SAXO1: variants seen among roughly 807,000 people sequenced by gnomAD.
SAXO1 encodes stabilizer of axonemal microtubules 1.
SAXO1 carries 21 observed loss-of-function variants against 17.5 expected under a neutral mutation model. The observed-to-expected ratio is 1.20, with a 90% CI of 0.85 to 1.72. SAXO1 has a LOEUF of 1.72. Among genes scored for constraint, SAXO1 ranks in the 40% most tolerant of loss-of-function variants. SAXO1 has a pLI of 0.00. For synonymous variants in SAXO1, 274 were observed against 216.5 expected (o/e 1.27, Z -2.33); for missense variants, 843 against 596.0 (o/e 1.41, Z -4.32).
At chr9:19,032,064 G>A (rs1220031237) in intron 1 of SAXO1, among the ~76,000 whole-genome samples, 3 of 152,112 alleles carry the variant, frequency 2.0e-5, no homozygotes, top group Non-Finnish European at 4.4e-5. Context: ...CAGATGAGGC[G>A]ACTATGACCT....
At chr9:19,045,387 T>C (rs533195193) in intron 1 of SAXO1, among the ~76,000 whole-genome samples, 45 of 139,238 alleles carry the variant, frequency 3.2e-4, no homozygotes, top group Non-Finnish European at 6.2e-4. Context: ...CAATTTCACA[T>C]AGCTGGGCAA....
At chr9:19,002,102 A>G (rs1194943751) in intron 1 of SAXO1, among the ~76,000 whole-genome samples, 3 of 152,218 alleles carry the variant, frequency 2.0e-5, no homozygotes, top group African/African-American at 7.2e-5. Flanking sequence ...CTACCATCAG[A>G]GAATACTATA....
intron 1 of SAXO1, chr9:19,027,923 C>A: frequency 1.4e-6 from 2 of 1,409,708 alleles, no homozygotes; most frequent in Non-Finnish European, 2.0e-6. Flanking sequence ...AGATCCACTC[C>A]CAAAAGATGA....
Position 18,927,874 on chromosome 9 carries a change from A to C in SAXO1, c.*178T>G. Reference sequence around the variant, plus strand: ...AAGGGGAGTTAATTAGCCGGTGATTAAATGTCATTTTCCCTGAGTCAAGTG... The same window carrying C: ...AAGGGGAGTTAATTAGCCGGTGATTCAATGTCATTTTCCCTGAGTCAAGTG... On this transcript the variant is annotated 3_prime_UTR_variant, in exon 4 of 4. Transcript: ENST00000380534. 1.6e-6 allele frequency: 1 copy of C among 630,240 alleles called. No individual in the cohort carries two copies. Among genetic ancestry groups the C allele is most frequent in the Non-Finnish European group, 2.6e-6 (1 of 390,666 alleles). The allele number at this position is 630,240 out of a possible 1,614,324, so 39.0% of individuals were successfully genotyped here.
chr9:19,040,452 G>A (rs1388456704), intron 1 of SAXO1, among the ~76,000 whole-genome samples: 2 of 152,052 alleles, frequency 1.3e-5, no homozygotes, highest in African/African-American at 2.4e-5. Flanking sequence ...AGACCAGCCC[G>A]GCTGACATTA....
intron 1 of SAXO1, among the ~76,000 whole-genome samples, chr9:18,974,590 G>A (rs1833062760): frequency 6.6e-6 from 1 of 152,174 alleles, no homozygotes; most frequent in Non-Finnish European, 1.5e-5. Context: ...AAAGGACATG[G>A]GAGCCAACTG....
chr9:19,040,197 A>G (rs1836044333), intron 1 of SAXO1, among the ~76,000 whole-genome samples: 1 of 152,190 alleles, frequency 6.6e-6, no homozygotes, highest in Non-Finnish European at 1.5e-5. Flanking sequence ...CCAAAGGATA[A>G]GGGTAGAGTT....
intron 1 of SAXO1, among the ~76,000 whole-genome samples, chr9:19,029,377 C>T (rs1835656553): frequency 6.6e-6 from 1 of 152,198 alleles, no homozygotes; most frequent in Admixed American, 6.5e-5. Context: ...ACCAGTGACT[C>T]ACTCAGGAAC....
intron 1 of SAXO1, among the ~76,000 whole-genome samples, chr9:19,008,015 T>C (rs1054941358): frequency 8.6e-5 from 13 of 151,620 alleles, no homozygotes; most frequent in Non-Finnish European, 1.5e-4. Context: ...TCACCCAGTC[T>C]GGAGTACAGT....
chr9:19,026,059 T>A (rs926258928), intron 1 of SAXO1, among the ~76,000 whole-genome samples: 1 of 152,134 alleles, frequency 6.6e-6, no homozygotes, highest in African/African-American at 2.4e-5. Flanking sequence ...GTAGGGTGAC[T>A]ATAGTTATAA....
At chr9:18,973,491 A>G (rs1008712279) in intron 1 of SAXO1, among the ~76,000 whole-genome samples, 1 of 152,258 alleles carries the variant, frequency 6.6e-6, no homozygotes, top group African/African-American at 2.4e-5. Context: ...TCTAGTGCAC[A>G]CACACAGGAA....
At chr9:18,982,385 A>G (rs1833425807) in intron 1 of SAXO1, among the ~76,000 whole-genome samples, 3 of 152,112 alleles carry the variant, frequency 2.0e-5, no homozygotes, top group Admixed American at 2.0e-4. Context: ...TCCGAGGGAG[A>G]CCAAATCTGG....
intron 1 of SAXO1, among the ~76,000 whole-genome samples, chr9:19,043,016 AC>A (rs1836114382): frequency 6.6e-6 from 1 of 151,926 alleles, no homozygotes. Context: ...TACAAAAAAT[AC>A]AAAAATTAGT....
chr9:18,994,924 C>A (rs1026803686), intron 1 of SAXO1, among the ~76,000 whole-genome samples: 2 of 152,208 alleles, frequency 1.3e-5, no homozygotes, highest in African/African-American at 4.8e-5. Flanking sequence ...CATGTTTGAA[C>A]ATTCTTAAAG....
chr9:18,927,755 T>A lies in SAXO1; in HGVS notation c.*297A>T, dbSNP rs562611841. ...ACAATGATTAAATTAATAAAATACA[T>A]CTGGATCAGAGAAACCCTCACAGAC... is the stretch of plus-strand genomic sequence containing the variant. On this transcript the variant is annotated 3_prime_UTR_variant, in exon 4 of 4. Coordinates refer to ENST00000380534, the MANE Select transcript of SAXO1 (RefSeq NM_153707.4). 2.2e-5 allele frequency: 7 copies of A among 318,360 alleles called. No homozygotes were observed. Among genetic ancestry groups the A allele is most frequent in the African/African-American group, 1.1e-4 (5 of 47,164 alleles). 19.7% of individuals were successfully genotyped at this position (318,360 alleles called of 1,614,324 possible).
In SAXO1 at chr9:18,961,559, C is replaced by T. The variant is rs554860504; in HGVS notation, c.39-10622G>A. 7.9e-5 allele frequency among the ~76,000 whole-genome samples: 12 copies of T among 151,616 alleles called. No homozygotes were observed. In the East Asian group the frequency reaches 2.3e-3, roughly 30 times the overall value. ...GTGTCCATGTGTTCTCATTGTTCAA[C>T]TCCCACTTATGAGTGGGAACATGTG... is the stretch of plus-strand genomic sequence containing the variant. On this transcript the variant is annotated intron_variant, in intron 1 of 3. Transcript: ENST00000380534.
At chr9:18,956,707 T>C (rs1832271777) in intron 1 of SAXO1, among the ~76,000 whole-genome samples, 1 of 152,240 alleles carries the variant, frequency 6.6e-6, no homozygotes. Context: ...TATGATTATG[T>C]GAATTAAATC....
intron 1 of SAXO1, among the ~76,000 whole-genome samples, chr9:19,029,335 T>C (rs1433434527): frequency 1.3e-5 from 2 of 152,100 alleles, no homozygotes; most frequent in Non-Finnish European, 2.9e-5. Flanking sequence ...ATCTCCAGGA[T>C]TAAAAAATGG....
chr9:18,963,430 C>T (rs117658725), intron 1 of SAXO1, among the ~76,000 whole-genome samples: 2,938 of 152,088 alleles, frequency 0.019, 44 homozygotes, highest in Non-Finnish European at 0.03. Context: ...TTCTTCCTAT[C>T]CATGAGCATG....
Sources: gnomAD v4.1 joint callset for allele counts (sites outside exome capture counted in the v4.1 genomes callset) on GRCh38, gnomAD v4.1.1 for gene constraint, MANE v1.5 for transcripts, NCBI Gene and HGNC (gene_info 2026-07-23, HGNC 2026-07-21) for gene names.